Variants in SLC15A1 observed in about 807,000 individuals in gnomAD.
The protein encoded by SLC15A1 is Caco-2 oligopeptide transporter.
A neutral mutation model predicts 92.9 loss-of-function variants in SLC15A1; 83 were observed. The ratio of observed to expected loss-of-function variants is 0.89; its 90% confidence interval spans 0.75 to 1.07. The LOEUF (loss-of-function observed/expected upper bound fraction) is 1.07, where lower values mean the gene tolerates loss of function less well. Among genes scored for constraint, SLC15A1 ranks in the 50% least tolerant of loss-of-function variants. SLC15A1 has a pLI of 0.00. For synonymous variants in SLC15A1, 322 were observed against 318.2 expected, an observed-to-expected ratio of 1.01 and a Z score of -0.13; for missense variants, 857 against 880.1, an observed-to-expected ratio of 0.97 and a Z score of 0.33.
chr13:98,726,012 C>A, intron 4 of SLC15A1, 111 bp downstream of exon 4: 1 of 1,394,424 alleles, frequency 7.2e-7, no homozygotes, highest in African/African-American at 1.4e-5. Flanking sequence ...CTGGCCTCTC[C>A]TAAGAGTTTC....
chr13:98,712,835 A>G (rs1266703566), intron 9 of SLC15A1, among the ~76,000 whole-genome samples: 3 of 152,224 alleles, frequency 2.0e-5, no homozygotes, highest in Non-Finnish European at 4.4e-5. Context: ...AGCACGCCCA[A>G]TAGAAATACA....
intron 1 of SLC15A1, among the ~76,000 whole-genome samples, chr13:98,750,648 A>G (rs965667382): frequency 1.3e-5 from 2 of 152,260 alleles, no homozygotes; most frequent in Non-Finnish European, 1.5e-5. Context: ...TCTAAGGACC[A>G]CGTCCTTTTT....
intron 17 of SLC15A1, among the ~76,000 whole-genome samples, chr13:98,702,966 T>C (rs1222518320): frequency 5.3e-4 from 20 of 38,002 alleles, no homozygotes; most frequent in African/African-American, 3.7e-3. Context: ...AGATCCTGTC[T>C]CAAAAAAAAA....
chr13:98,712,076 C>A, intron 10 of SLC15A1, 133 bp from the exon 11 acceptor site: 1 of 648,212 alleles, frequency 1.5e-6, no homozygotes, highest in Non-Finnish European at 2.8e-6. Context: ...GTGATTAATC[C>A]AAAACATACT....
chr13:98,689,923 A>G (rs1403376329), intron 18 of SLC15A1, among the ~76,000 whole-genome samples: 2 of 152,198 alleles, frequency 1.3e-5, no homozygotes, highest in Non-Finnish European at 2.9e-5. Context: ...TTCATATGGA[A>G]GCAGGTGAAT....
intron 18 of SLC15A1, among the ~76,000 whole-genome samples, chr13:98,696,305 T>C (rs2088020835): frequency 7.2e-6 from 1 of 138,412 alleles, no homozygotes; most frequent in Admixed American, 7.6e-5. Flanking sequence ...TCCCAGCTAC[T>C]CGGAAGGCTG....
intron 1 of SLC15A1, among the ~76,000 whole-genome samples, chr13:98,743,035 A>C (rs1367054122): frequency 6.6e-6 from 1 of 152,156 alleles, no homozygotes; most frequent in Non-Finnish European, 1.5e-5. Flanking sequence ...GGGCCTCCCA[A>C]AGTGCTGAGA....
chr13:98,724,121 C>T, intron 4 of SLC15A1, 90 bp from the exon 5 acceptor site: 1 of 1,515,912 alleles, frequency 6.6e-7, no homozygotes. Context: ...TCCTTGAAAG[C>T]TTTCAAGAGC....
chr13:98,703,178 A>AAGGG (rs1180852006), intron 17 of SLC15A1, among the ~76,000 whole-genome samples: 1,822 of 129,676 alleles, frequency 0.014, 17 homozygotes, highest in Non-Finnish European at 0.02. Context: ...GGAAGGAAGG[A>AAGGG]AGGGAGGGAG....
Position 98,710,147 on chromosome 13 carries a change from CT to C in SLC15A1, c.901-237del, listed in dbSNP as rs928118843. 7.2e-5 allele frequency among the ~76,000 whole-genome samples: 11 copies of C among 152,304 alleles called. No individual in the cohort carries two copies. The East Asian group carries it at 9.6e-4, about 13-fold the overall frequency. The stretch of plus-strand genomic sequence containing the variant: ...CGGAGTGCTCCAACCCCTCCTGAAG[CT>C]GCACAAAGCAGTACCCTGAGATGAA... On this transcript the variant is annotated intron_variant, in intron 11 of 22. Coordinates refer to ENST00000376503, the MANE Select transcript of SLC15A1 (RefSeq NM_005073.4).
intron 1 of SLC15A1, among the ~76,000 whole-genome samples, chr13:98,732,778 C>A (rs1483222706): frequency 6.6e-6 from 1 of 152,056 alleles, no homozygotes; most frequent in Non-Finnish European, 1.5e-5. Flanking sequence ...CTACCATTAC[C>A]AAGAGTGAAA....
intron 1 of SLC15A1, among the ~76,000 whole-genome samples, chr13:98,742,889 C>T (rs947755284): frequency 1.4e-5 from 2 of 147,114 alleles, no homozygotes; most frequent in Non-Finnish European, 3.0e-5. Context: ...GATCCTCCCG[C>T]CTGAGCCTCT....
chr13:98,697,814 A>G (rs1444107960), intron 18 of SLC15A1, among the ~76,000 whole-genome samples: 1 of 152,170 alleles, frequency 6.6e-6, no homozygotes, highest in Admixed American at 6.6e-5. Context: ...GCTGAGAAAG[A>G]TGACATAAAA....
At chr13:98,744,025 G>A (rs574832784) in intron 1 of SLC15A1, among the ~76,000 whole-genome samples, 13 of 151,820 alleles carry the variant, frequency 8.6e-5, no homozygotes, top group East Asian at 1.9e-4. Context: ...CATAAATGTC[G>A]CTAAATTAAA....
At chr13:98,697,351 G>T (rs2088031142) in intron 18 of SLC15A1, among the ~76,000 whole-genome samples, 2 of 152,208 alleles carry the variant, frequency 1.3e-5, no homozygotes, top group Non-Finnish European at 2.9e-5. Flanking sequence ...ATTGCTCCTG[G>T]CCTGAGAAAA....
chr13:98,709,134 AT>A (rs1235947228), intron 14 of SLC15A1, among the ~76,000 whole-genome samples: 1 of 151,630 alleles, frequency 6.6e-6, no homozygotes, highest in Non-Finnish European at 1.5e-5. Context: ...CACCCAGCTT[AT>A]TTTTCGTATT....
At chr13:98,713,936 A>G (rs1229237048) in intron 9 of SLC15A1, among the ~76,000 whole-genome samples, 9 of 151,642 alleles carry the variant, frequency 5.9e-5, no homozygotes, top group African/African-American at 2.2e-4. Flanking sequence ...AGTCTCTGCT[A>G]TTTGGGAGGC....
At chr13:98,687,453 G>A in intron 21 of SLC15A1, 128 bp downstream of exon 21, 1 of 1,098,040 alleles carries the variant, frequency 9.1e-7, no homozygotes, top group Admixed American at 2.3e-5. Context: ...CTTGCTGTAG[G>A]GAAGATACCA....
At chr13:98,735,368 A>ACAGC in intron 1 of SLC15A1, among the ~76,000 whole-genome samples, 2 of 152,234 alleles carry the variant, frequency 1.3e-5, no homozygotes, top group Non-Finnish European at 2.9e-5. Context: ...TGACAAACCC[A>ACAGC]CAGCCAATAT....
Sources: allele counts gnomAD v4.1 joint callset (sites outside exome capture counted in the v4.1 genomes callset), GRCh38; gene constraint gnomAD v4.1.1; transcripts MANE v1.5; gene names NCBI Gene and HGNC (gene_info 2026-07-23, HGNC 2026-07-21).